The following LRRC4C variants were observed in gnomAD, a reference collection of about 807,000 sequenced individuals.
LRRC4C encodes leucine-rich repeat-containing protein 4C.
A neutral mutation model predicts 33.6 loss-of-function variants in LRRC4C; 5 were observed. The observed-to-expected ratio is 0.15, with a 90% CI of 0.08 to 0.31. The LOEUF is 0.31. Ranked by LOEUF, LRRC4C falls within the 10% of genes least tolerant of loss-of-function variation. The probability of loss-of-function intolerance (pLI) is 1.00; values close to 1 mark genes in which losing one functional copy is unlikely to be tolerated. For synonymous variants in LRRC4C, 329 were observed against 302.0 expected, an observed-to-expected ratio of 1.09 and a Z score of -0.93; for missense variants, 560 against 796.7, an observed-to-expected ratio of 0.70 and a Z score of 3.58.
chr11:40,813,359 A>G (rs1951572795), intron 2 of LRRC4C, among the ~76,000 whole-genome samples: 1 of 152,192 alleles, frequency 6.6e-6, no homozygotes, highest in African/African-American at 2.4e-5. Flanking sequence ...ACATGGCAGC[A>G]GGGCAGAGAG....
At chr11:40,914,548 C>T (rs1282948631) in intron 2 of LRRC4C, among the ~76,000 whole-genome samples, 1 of 152,150 alleles carries the variant, frequency 6.6e-6, no homozygotes, top group Admixed American at 6.5e-5. Context: ...GGACATATCT[C>T]AAAATAATCA....
At chr11:40,397,043 T>C (rs1279380129) in intron 3 of LRRC4C, among the ~76,000 whole-genome samples, 1 of 152,052 alleles carries the variant, frequency 6.6e-6, no homozygotes, top group Non-Finnish European at 1.5e-5. Context: ...ATTGAATATA[T>C]ACTTCAAACC....
At chr11:41,102,796 A>G (rs957203816) in intron 1 of LRRC4C, among the ~76,000 whole-genome samples, 1 of 152,064 alleles carries the variant, frequency 6.6e-6, no homozygotes, top group African/African-American at 2.4e-5. Flanking sequence ...ATGTGAGATA[A>G]TAGTTCTGCC....
At chr11:40,309,215 C>T (rs1461682804) in intron 4 of LRRC4C, among the ~76,000 whole-genome samples, 7 of 152,174 alleles carry the variant, frequency 4.6e-5, no homozygotes, top group Non-Finnish European at 1.0e-4. Flanking sequence ...AATCTACTTT[C>T]TATTTCTATA....
At chr11:40,387,053 T>C (rs551305371) in intron 3 of LRRC4C, among the ~76,000 whole-genome samples, 2 of 152,318 alleles carry the variant, frequency 1.3e-5, no homozygotes, top group East Asian at 3.9e-4. Context: ...TGTCGTAATT[T>C]GGATATTTTT....
At chr11:40,879,542 A>G (rs1955068250) in intron 2 of LRRC4C, among the ~76,000 whole-genome samples, 2 of 152,174 alleles carry the variant, frequency 1.3e-5, no homozygotes, top group East Asian at 1.9e-4. Flanking sequence ...AGAGCTCACA[A>G]TCAAGGAAGA....
At chr11:40,725,454 G>A (rs1198831990) in intron 2 of LRRC4C, among the ~76,000 whole-genome samples, 3 of 151,694 alleles carry the variant, frequency 2.0e-5, no homozygotes, top group Admixed American at 1.3e-4. Context: ...CTTGCAGTGA[G>A]GCAGTGAGCC....
intron 3 of LRRC4C, among the ~76,000 whole-genome samples, chr11:40,355,304 GC>G (rs2137117278): frequency 6.6e-6 from 1 of 151,934 alleles, no homozygotes; most frequent in African/African-American, 2.4e-5. Flanking sequence ...GGTGACACAA[GC>G]CCTCCCTTAG....
At chr11:40,162,854 C>T (rs1859271696) in intron 5 of LRRC4C, among the ~76,000 whole-genome samples, 1 of 152,188 alleles carries the variant, frequency 6.6e-6, no homozygotes, top group African/African-American at 2.4e-5. Context: ...TTAACTTGTA[C>T]TTCTAAGCAC....
chr11:40,166,311 C>T (rs575236143), intron 5 of LRRC4C, among the ~76,000 whole-genome samples: 20 of 152,182 alleles, frequency 1.3e-4, no homozygotes, highest in South Asian at 6.2e-4. Flanking sequence ...TACAAAAATA[C>T]GAATGAATTT....
At chr11:40,495,903 C>T (rs924337303) in intron 3 of LRRC4C, among the ~76,000 whole-genome samples, 2 of 137,130 alleles carry the variant, frequency 1.5e-5, no homozygotes, top group South Asian at 2.4e-4. Flanking sequence ...GATCTCAGCT[C>T]ACTACAACCT....
intron 1 of LRRC4C, among the ~76,000 whole-genome samples, chr11:41,071,241 G>T (rs1314735079): frequency 6.6e-6 from 1 of 152,002 alleles, no homozygotes; most frequent in Non-Finnish European, 1.5e-5. Flanking sequence ...ACACACCAGG[G>T]CCTATTAGGG....
At position 40,723,950 on chromosome 11, in the gene LRRC4C, G is replaced by A. The variant is rs529111017; in HGVS notation, c.-406-75672C>T. 1.4e-4 allele frequency among the ~76,000 whole-genome samples: 22 copies of A among 151,746 alleles called. 1 individual carries two copies. The South Asian group carries it at 4.6e-3, about 32-fold the overall frequency. ...CAAATGGAAAATTTTTAAAAAGCAG[G>A]GATTGGTATTCTTGTATCAGAAAAA... is the stretch of plus-strand genomic sequence containing the variant. On this transcript the variant is annotated intron_variant, in intron 2 of 6. Coordinates refer to ENST00000528697, the MANE Select transcript of LRRC4C (RefSeq NM_001258419.2).
intron 1 of LRRC4C, among the ~76,000 whole-genome samples, chr11:41,238,884 G>A (rs1358519787): frequency 6.6e-6 from 1 of 152,052 alleles, no homozygotes; most frequent in Non-Finnish European, 1.5e-5. Flanking sequence ...TTAGATCACA[G>A]GATCTCAGAG....
intron 3 of LRRC4C, among the ~76,000 whole-genome samples, chr11:40,645,766 G>A (rs1942412018): frequency 1.3e-5 from 2 of 151,990 alleles, no homozygotes; most frequent in African/African-American, 4.8e-5. Flanking sequence ...TCCCAGCTCC[G>A]TGGGTACCCC....
rs148275534 is a variant in LRRC4C at position 40,179,884 on chromosome 11, C to G, written c.-95-39031G>C. Among the ~76,000 whole-genome samples, 3 of 152,314 alleles carry G rather than the reference C, an allele frequency of 2.0e-5. No individual in the cohort carries two copies. In the East Asian group the frequency reaches 5.8e-4, roughly 29 times the overall value. ...GTTAGTAACAATGTTGAGAATCTGT[C>G]TCCTTTCTGTCTCTCCCCATGTACG... is the stretch of plus-strand genomic sequence containing the variant. On this transcript the variant is annotated intron_variant, in intron 5 of 6. Coordinates refer to ENST00000528697, the MANE Select transcript of LRRC4C (RefSeq NM_001258419.2).
At chr11:41,258,277 G>A (rs1948866654) in intron 1 of LRRC4C, among the ~76,000 whole-genome samples, 2 of 151,804 alleles carry the variant, frequency 1.3e-5, no homozygotes, top group Admixed American at 1.3e-4. Flanking sequence ...TCTAGTTATG[G>A]CATTGAGTGT....
At chr11:40,424,035 G>T (rs1950623592) in intron 3 of LRRC4C, among the ~76,000 whole-genome samples, 1 of 151,970 alleles carries the variant, frequency 6.6e-6, no homozygotes, top group Admixed American at 6.6e-5. Flanking sequence ...TTTACCAGGG[G>T]GATAAAATTG....
At chr11:40,975,881 A>G (rs1340036620) in intron 1 of LRRC4C, among the ~76,000 whole-genome samples, 1 of 152,202 alleles carries the variant, frequency 6.6e-6, no homozygotes, top group Non-Finnish European at 1.5e-5. Context: ...ATCTGAACCC[A>G]AGTTAATATG....
Sources: gnomAD v4.1 joint callset for allele counts (sites outside exome capture counted in the v4.1 genomes callset) on GRCh38, gnomAD v4.1.1 for gene constraint, MANE v1.5 for transcripts, NCBI Gene and HGNC (gene_info 2026-07-23, HGNC 2026-07-21) for gene names.